The following FLVCR2 variants were observed in gnomAD, a reference collection of about 807,000 sequenced individuals.
FLVCR2 encodes choline/ethanolamine transporter FLVCR2.
A neutral mutation model predicts 48.9 loss-of-function variants in FLVCR2; 38 were observed. The observed-to-expected ratio is 0.78, with a 90% CI of 0.60 to 1.02. The LOEUF is 1.02. Ranked by LOEUF, FLVCR2 falls within the 50% of genes least tolerant of loss-of-function variation. The pLI is 0.00. For missense variants in FLVCR2, 664 were observed against 663.3 expected (o/e 1.00, Z -0.01); for synonymous variants, 255 against 257.0 (o/e 0.99, Z 0.07).
chr14:75,602,728 GA>G (rs1377541573), intron 1 of FLVCR2, among the ~76,000 whole-genome samples: 9 of 152,148 alleles, frequency 5.9e-5, no homozygotes, highest in Admixed American at 1.3e-4. Flanking sequence ...TTGGGAAGAT[GA>G]AAAAAGTTCT....
Position 75,578,870 on chromosome 14 carries a change from A to T in FLVCR2, c.-103A>T. The T allele has an allele frequency of 3.8e-6, 4 of 1,057,958 alleles. No homozygotes were observed. Among genetic ancestry groups the T allele is most frequent in the South Asian group, 1.3e-5 (1 of 77,158 alleles). The allele number at this position is 1,057,958 out of a possible 1,614,324, so 65.5% of individuals were successfully genotyped here. Reference sequence around the variant, plus strand: ...CTCTAGTCTCTGTTTCTTCTGGAATAGGCAAGTGTCCTTTCAACTCTAAGA... The same window carrying T: ...CTCTAGTCTCTGTTTCTTCTGGAATTGGCAAGTGTCCTTTCAACTCTAAGA... On this transcript the variant is annotated 5_prime_UTR_variant, in exon 1 of 10. Transcript: ENST00000238667.
At position 75,634,902 on chromosome 14, in the gene FLVCR2, T is replaced by C. The variant is rs756492057; in HGVS notation, c.1021-8T>C. 1 of 1,603,560 alleles carries C rather than the reference T, an allele frequency of 6.2e-7. No individual in the cohort carries two copies. The highest frequency in any genetic ancestry group is 2.2e-5 in the East Asian group (1 of 44,836). On this transcript the variant is annotated splice_region_variant and splice_polypyrimidine_tract_variant and intron_variant, in intron 4 of 9. Coordinates refer to ENST00000238667, the MANE Select transcript of FLVCR2 (RefSeq NM_017791.3). The stretch of plus-strand genomic sequence containing the variant: ...GCCGGGTGATCTTTGGGGTTATGGT[T>C]TCCCCAGGGGGAAGAAGTGAATGCT...
At chr14:75,585,388 A>G (rs1404664422) in intron 1 of FLVCR2, among the ~76,000 whole-genome samples, 1 of 152,186 alleles carries the variant, frequency 6.6e-6, no homozygotes, top group East Asian at 1.9e-4. Flanking sequence ...TATTGGGGCC[A>G]AGCGGGATTG....
At position 75,646,492 on chromosome 14, in the gene FLVCR2, C is replaced by T; in HGVS notation, c.*20C>T. On this transcript the variant is annotated 3_prime_UTR_variant, in exon 10 of 10. Coordinates refer to ENST00000238667, the MANE Select transcript of FLVCR2 (RefSeq NM_017791.3). ...CTCTGAGAGGAAGGTGGTGACAACT[C>T]AGGGAACACGAACACCCCACCTTTT... 6.3e-7 allele frequency: 1 copy of T among 1,581,592 alleles called. No individual in the cohort carries two copies. The highest frequency in any genetic ancestry group is 8.7e-7 in the Non-Finnish European group (1 of 1,150,334).
intron 1 of FLVCR2, 34 bp downstream of exon 1, chr14:75,579,675 C>T (rs1171684132): frequency 1.2e-6 from 2 of 1,608,880 alleles, no homozygotes; most frequent in Non-Finnish European, 1.7e-6. Context: ...TTCCCAGGGG[C>T]GTGTGTTAGA....
chr14:75,581,787 C>T (rs978029594), intron 1 of FLVCR2, among the ~76,000 whole-genome samples: 2 of 149,660 alleles, frequency 1.3e-5, no homozygotes, highest in African/African-American at 4.9e-5. Flanking sequence ...GGGGCCTGAA[C>T]AATCCCTGAG....
At chr14:75,599,324 A>G (rs1442127606) in intron 1 of FLVCR2, among the ~76,000 whole-genome samples, 1 of 142,072 alleles carries the variant, frequency 7.0e-6, no homozygotes, top group East Asian at 3.1e-4. Flanking sequence ...ACAATGTACA[A>G]CACCCCCCCC....
chr14:75,591,018 C>T (rs1402695498), intron 1 of FLVCR2, among the ~76,000 whole-genome samples: 1 of 152,176 alleles, frequency 6.6e-6, no homozygotes, highest in East Asian at 1.9e-4. Flanking sequence ...TGTTTACTTC[C>T]AATATACAAC....
intron 3 of FLVCR2, chr14:75,632,902 C>T (rs1311945210): frequency 1.4e-6 from 1 of 702,012 alleles, no homozygotes; most frequent in Non-Finnish European, 2.6e-6. Flanking sequence ...CCGCCATTGT[C>T]ATCATCATCA....
chr14:75,621,959 A>G (rs1889777962), intron 1 of FLVCR2, 120 bp from the exon 2 acceptor site: 2 of 1,035,634 alleles, frequency 1.9e-6, no homozygotes, highest in East Asian at 2.4e-5. Flanking sequence ...TAATCCCTGC[A>G]TGGGTGTTAG....
chr14:75,582,069 A>C (rs954308703), intron 1 of FLVCR2, among the ~76,000 whole-genome samples: 7 of 152,212 alleles, frequency 4.6e-5, no homozygotes, highest in African/African-American at 1.7e-4. Flanking sequence ...ACTGGCCGTG[A>C]GGGACAGAAG....
rs186622415 is a variant in FLVCR2 at position 75,618,150 on chromosome 14, T to A, written c.670-3929T>A. On this transcript the variant is annotated intron_variant, in intron 1 of 9. Coordinates refer to ENST00000238667, the MANE Select transcript of FLVCR2 (RefSeq NM_017791.3). ...TCACTGCAGGGTGTTAAGCAGGACG[T>A]TTTCCAAAGATGGCTGGCTATCATG... is the stretch of plus-strand genomic sequence containing the variant. Among the ~76,000 whole-genome samples, 121 of 152,250 alleles carry A rather than the reference T, an allele frequency of 7.9e-4. 1 individual carries two copies. In the Middle Eastern group the frequency reaches 0.01, roughly 13 times the overall value.
chr14:75,638,915 A>T (rs969375558), intron 5 of FLVCR2, among the ~76,000 whole-genome samples: 2 of 152,184 alleles, frequency 1.3e-5, no homozygotes, highest in African/African-American at 4.8e-5. Flanking sequence ...CTATGAAAGA[A>T]AATGTCCAAG....
chr14:75,583,922 C>T (rs1296490342), intron 1 of FLVCR2, among the ~76,000 whole-genome samples: 2 of 152,148 alleles, frequency 1.3e-5, no homozygotes, highest in Non-Finnish European at 2.9e-5. Context: ...GCTTCCGAGG[C>T]GATTGGGCAG....
intron 5 of FLVCR2, among the ~76,000 whole-genome samples, chr14:75,636,107 G>A (rs1566796429): frequency 2.0e-5 from 3 of 152,134 alleles, no homozygotes; most frequent in African/African-American, 4.8e-5. Context: ...ACTGGCTGGC[G>A]GGGCAGCTGT....
intron 2 of FLVCR2, among the ~76,000 whole-genome samples, chr14:75,623,474 G>T (rs186277498): frequency 6.6e-6 from 1 of 151,976 alleles, no homozygotes; most frequent in African/African-American, 2.4e-5. Context: ...CCTAATACTT[G>T]AAAGTTCCAC....
chr14:75,587,054 A>G (rs916291844), intron 1 of FLVCR2, among the ~76,000 whole-genome samples: 5 of 152,164 alleles, frequency 3.3e-5, no homozygotes, highest in Non-Finnish European at 2.9e-5. Flanking sequence ...GAAAGGCTGA[A>G]GAAGGTAAAG....
intron 2 of FLVCR2, among the ~76,000 whole-genome samples, chr14:75,624,347 C>T (rs531725987): frequency 3.8e-4 from 57 of 149,846 alleles, no homozygotes; most frequent in African/African-American, 1.2e-3. Flanking sequence ...AGCGAGACTC[C>T]GTCTCAAAAA....
intron 1 of FLVCR2, among the ~76,000 whole-genome samples, chr14:75,620,075 A>G (rs542188198): frequency 2.0e-5 from 3 of 152,264 alleles, no homozygotes; most frequent in Admixed American, 1.3e-4. Context: ...GATTCTACTT[A>G]ACTTCCAGAC....
Sources: gnomAD v4.1 joint callset for allele counts (sites outside exome capture counted in the v4.1 genomes callset) on GRCh38, gnomAD v4.1.1 for gene constraint, MANE v1.5 for transcripts, NCBI Gene and HGNC (gene_info 2026-07-23, HGNC 2026-07-21) for gene names.